Variants in ANKS1B observed in about 807,000 individuals in gnomAD.
ANKS1B encodes ankyrin repeat and sterile alpha motif domain containing 1B.
ANKS1B carries 36 observed loss-of-function variants against 148.3 expected under a neutral mutation model. The ratio of observed to expected loss-of-function variants is 0.24; its 90% CI spans 0.19 to 0.32. The LOEUF (loss-of-function observed/expected upper bound fraction) is 0.32, where lower values mean the gene tolerates loss of function less well. ANKS1B is among the 10% of genes least tolerant of loss of function. ANKS1B has a pLI of 1.00. For synonymous variants in ANKS1B, 542 were observed against 560.8 expected (o/e 0.97, Z 0.47); for missense variants, 1,157 against 1,542.6 (o/e 0.75, Z 4.19).
chr12:99,191,683 G>T (rs938047905), intron 14 of ANKS1B, among the ~76,000 whole-genome samples: 2 of 152,094 alleles, frequency 1.3e-5, no homozygotes, highest in African/African-American at 4.8e-5. Context: ...ATCACACACT[G>T]GGCCTGTCAG....
intron 1 of ANKS1B, among the ~76,000 whole-genome samples, chr12:99,837,900 T>C (rs1383351460): frequency 6.7e-6 from 1 of 150,190 alleles, no homozygotes; most frequent in Admixed American, 6.6e-5. Flanking sequence ...TTGTACCTTT[T>C]AAGTAACTTT....
chr12:99,100,664 G>A (rs1402071941), intron 15 of ANKS1B, among the ~76,000 whole-genome samples: 1 of 152,170 alleles, frequency 6.6e-6, no homozygotes, highest in Non-Finnish European at 1.5e-5. Context: ...TGAATAGCTG[G>A]GATTACAGGC....
At chr12:98,951,398 T>G (rs1471584206) in intron 17 of ANKS1B, among the ~76,000 whole-genome samples, 13 of 152,106 alleles carry the variant, frequency 8.5e-5, no homozygotes, top group Non-Finnish European at 1.9e-4. Flanking sequence ...AACAAAAAAA[T>G]TCATCCACGT....
At chr12:99,054,515 A>C (rs1044204779) in intron 16 of ANKS1B, among the ~76,000 whole-genome samples, 22 of 151,940 alleles carry the variant, frequency 1.4e-4, no homozygotes, top group Admixed American at 1.1e-3. Context: ...TCTAGTTTCC[A>C]TTTCAAAGTT....
chr12:99,743,947 T>C (rs550516119), intron 8 of ANKS1B, among the ~76,000 whole-genome samples: 88 of 152,294 alleles, frequency 5.8e-4, no homozygotes, highest in Non-Finnish European at 5.1e-4. Flanking sequence ...ACAATCCTAA[T>C]GAGAAAAATT....
At chr12:99,907,302 G>A (rs11110110) in intron 1 of ANKS1B, among the ~76,000 whole-genome samples, 10,240 of 152,158 alleles carry the variant, frequency 0.067, 409 homozygotes, top group South Asian at 0.083. Flanking sequence ...CCCAGCGTGC[G>A]CCCCTCTTCC....
intron 9 of ANKS1B, among the ~76,000 whole-genome samples, chr12:99,619,082 C>T (rs1473361947): frequency 6.6e-6 from 1 of 152,060 alleles, no homozygotes; most frequent in African/African-American, 2.4e-5. Flanking sequence ...GGTGCTCCAG[C>T]CTGCTCCCCT....
intron 14 of ANKS1B, among the ~76,000 whole-genome samples, chr12:99,174,921 T>C (rs1055721615): frequency 2.0e-5 from 3 of 152,190 alleles, no homozygotes; most frequent in African/African-American, 7.2e-5. Flanking sequence ...ATTCTCTCTA[T>C]AAAACAGTGA....
chr12:98,806,116 C>T (rs1440224008), intron 20 of ANKS1B, among the ~76,000 whole-genome samples: 1 of 152,218 alleles, frequency 6.6e-6, no homozygotes, highest in Non-Finnish European at 1.5e-5. Context: ...AAGTGATCCA[C>T]CCGCCTTGGC....
chr12:98,754,721 G>C (rs1218461240), intron 25 of ANKS1B, among the ~76,000 whole-genome samples: 1 of 152,208 alleles, frequency 6.6e-6, no homozygotes, highest in Non-Finnish European at 1.5e-5. Context: ...ACCTTCATTT[G>C]AGCAAGTGAG....
At chr12:99,503,933 A>G (rs1366374160) in intron 10 of ANKS1B, among the ~76,000 whole-genome samples, 3 of 152,164 alleles carry the variant, frequency 2.0e-5, no homozygotes, top group Non-Finnish European at 2.9e-5. Flanking sequence ...TCAAAAATCC[A>G]TGTTCAAGCA....
chr12:99,086,645 T>C (rs747724455), intron 15 of ANKS1B, among the ~76,000 whole-genome samples: 18 of 152,250 alleles, frequency 1.2e-4, no homozygotes, highest in Admixed American at 5.2e-4. Flanking sequence ...CTGATTTCAA[T>C]GGTTATTTTA....
intron 14 of ANKS1B, among the ~76,000 whole-genome samples, chr12:99,208,670 G>C (rs958379993): frequency 6.6e-6 from 1 of 152,178 alleles, no homozygotes; most frequent in African/African-American, 2.4e-5. Context: ...GAACTCTGGT[G>C]AAGAAACTGG....
At chr12:99,743,702 T>G (rs982478185) in intron 8 of ANKS1B, among the ~76,000 whole-genome samples, 1 of 152,168 alleles carries the variant, frequency 6.6e-6, no homozygotes, top group African/African-American at 2.4e-5. Flanking sequence ...CATAAAAAAT[T>G]ATGAACTAAA....
At chr12:99,354,994 T>TCAA (rs1265772294) in intron 12 of ANKS1B, among the ~76,000 whole-genome samples, 1 of 152,068 alleles carries the variant, frequency 6.6e-6, no homozygotes, top group Non-Finnish European at 1.5e-5. Context: ...CAATAAAAGG[T>TCAA]CAATATGATC....
At chr12:99,818,713 T>C (rs1213579469) in intron 2 of ANKS1B, among the ~76,000 whole-genome samples, 1 of 151,762 alleles carries the variant, frequency 6.6e-6, no homozygotes, top group Admixed American at 6.6e-5. Context: ...AAACATCAAA[T>C]TAAATTTAAT....
At chr12:99,876,298 A>T (rs1466570831) in intron 1 of ANKS1B, among the ~76,000 whole-genome samples, 1 of 152,248 alleles carries the variant, frequency 6.6e-6, no homozygotes, top group African/African-American at 2.4e-5. Flanking sequence ...TAACAGAAAA[A>T]TTGCACAAAG....
At chr12:99,809,470 A>C (rs2153664648) in intron 3 of ANKS1B, among the ~76,000 whole-genome samples, 1 of 152,152 alleles carries the variant, frequency 6.6e-6, no homozygotes, top group Non-Finnish European at 1.5e-5. Flanking sequence ...AAGGAAATTT[A>C]AATTGCAAAA....
rs140738459 is a variant in ANKS1B at position 99,764,959 on chromosome 12, G to A, written c.1128+7963C>T. 5.9e-3 allele frequency among the ~76,000 whole-genome samples: 893 copies of A among 152,252 alleles called. 27 individuals are homozygous for A. The highest frequency in any genetic ancestry group is 0.054 in the Admixed American group (826 of 15,286). On this transcript the variant is annotated intron_variant, in intron 8 of 26. Coordinates refer to ENST00000683438, the MANE Select transcript of ANKS1B (RefSeq NM_001352186.2). ...CAGAATAAATATGAGCAGATGAAGA[G>A]GAGAGACTAGAAGTGGGTGGACAGG...
Sources: gnomAD v4.1 joint callset for allele counts (sites outside exome capture counted in the v4.1 genomes callset) on GRCh38, gnomAD v4.1.1 for gene constraint, MANE v1.5 for transcripts, NCBI Gene and HGNC (gene_info 2026-07-23, HGNC 2026-07-21) for gene names.